Variants in CNNM1 observed in about 807,000 individuals in gnomAD.
CNNM1 encodes cyclin and CBS domain divalent metal cation transport mediator 1, also known as metal transporter CNNM1.
In CNNM1, 44 loss-of-function variants were observed where a neutral mutation model predicts 78.8. That is an observed-to-expected ratio of 0.56 (90% confidence interval 0.44 to 0.72). CNNM1 has a LOEUF of 0.72. Ranked by LOEUF, CNNM1 falls within the 30% of genes least tolerant of loss-of-function variation. CNNM1 has a pLI of 0.00. For missense variants in CNNM1, 1,101 were observed against 1,292.2 expected (o/e 0.85, Z 2.27); for synonymous variants, 584 against 581.5 (o/e 1.00, Z -0.06).
rs866681512 is a variant in CNNM1 at position 99,370,519 on chromosome 10, C to T, written c.2176+5517C>T. 9.3e-4 allele frequency among the ~76,000 whole-genome samples: 141 copies of T among 152,280 alleles called. 2 individuals are homozygous for T. The Middle Eastern group carries it at 0.02, about 22-fold the overall frequency. On this transcript the variant is annotated intron_variant, in intron 6 of 10. Transcript: ENST00000356713. ...CCACAGGACCTATTCTGTGGTATTT[C>T]CTCTGTCACTCTTGCTTTTGTTCCA...
Position 99,391,732 on chromosome 10 carries a change from G to A in CNNM1, c.*216G>A. On this transcript the variant is annotated 3_prime_UTR_variant, in exon 11 of 11. Transcript: ENST00000356713. ...TGACATGGCCATAACAGAAGGAGGT[G>A]CCTCTGATAGAACATGCTAGAAATG... 1 of 521,680 alleles carries A rather than the reference G, an allele frequency of 1.9e-6. No homozygotes were observed. The highest frequency in any genetic ancestry group is 2.3e-5 in the South Asian group (1 of 42,864). The allele number at this position is 521,680 out of a possible 1,614,324, so 32.3% of individuals were successfully genotyped here. A position where few individuals can be genotyped will look rare whatever the true frequency, so the allele number is the denominator to read the frequency against.
intron 1 of CNNM1, among the ~76,000 whole-genome samples, chr10:99,353,461 A>G (rs942212171): frequency 1.3e-5 from 2 of 152,232 alleles, no homozygotes; most frequent in African/African-American, 4.8e-5. Context: ...ATAAATGCCA[A>G]TACAGAGATG....
At chr10:99,362,545 C>A in intron 4 of CNNM1, 149 bp downstream of exon 4, 1 of 726,096 alleles carries the variant, frequency 1.4e-6, no homozygotes, top group Non-Finnish European at 2.2e-6. Context: ...CTTCATGACC[C>A]ACAGGAGGGG....
At chr10:99,360,708 G>A in intron 2 of CNNM1, 127 bp from the exon 3 acceptor site, 1 of 1,203,592 alleles carries the variant, frequency 8.3e-7, no homozygotes, top group Non-Finnish European at 1.1e-6. Flanking sequence ...CTTCCTGGGT[G>A]ATATTGTGAT....
intron 1 of CNNM1, among the ~76,000 whole-genome samples, chr10:99,334,877 C>T (rs1484790413): frequency 6.6e-6 from 1 of 152,170 alleles, no homozygotes. Context: ...GAACAACCCT[C>T]CTGGGTAGAT....
intron 7 of CNNM1, among the ~76,000 whole-genome samples, chr10:99,386,307 G>A (rs1285277413): frequency 6.6e-6 from 1 of 152,118 alleles, no homozygotes; most frequent in Non-Finnish European, 1.5e-5. Context: ...GCAGCACCAG[G>A]AACACAGGAA....
intron 1 of CNNM1, among the ~76,000 whole-genome samples, chr10:99,349,083 A>G (rs2030828084): frequency 1.3e-5 from 2 of 152,214 alleles, no homozygotes; most frequent in Admixed American, 6.5e-5. Flanking sequence ...ATAAAAAAAT[A>G]GAAACCTATG....
intron 9 of CNNM1, among the ~76,000 whole-genome samples, chr10:99,390,070 G>A (rs778568888): frequency 7.2e-5 from 11 of 152,200 alleles, no homozygotes; most frequent in Non-Finnish European, 7.3e-5. Flanking sequence ...TGCATGGATC[G>A]TTGGATTCCG....
chr10:99,363,587 G>T (rs746419102), intron 4 of CNNM1, among the ~76,000 whole-genome samples: 11 of 152,044 alleles, frequency 7.2e-5, no homozygotes, highest in Non-Finnish European at 1.5e-4. Flanking sequence ...GATAAAAATG[G>T]CATAGGCTTC....
chr10:99,364,351 G>A, intron 4 of CNNM1, 66 bp from the exon 5 acceptor site: 2 of 1,192,500 alleles, frequency 1.7e-6, no homozygotes, highest in East Asian at 2.5e-5. Context: ...CTTAGGATTC[G>A]AGTCAATAGT....
intron 7 of CNNM1, among the ~76,000 whole-genome samples, chr10:99,386,348 C>A (rs1245524105): frequency 1.3e-5 from 2 of 152,166 alleles, no homozygotes; most frequent in Non-Finnish European, 2.9e-5. Context: ...TCAGTCTCCA[C>A]CCCAGACCTA....
chr10:99,344,120 G>A (rs1251087544), intron 1 of CNNM1, among the ~76,000 whole-genome samples: 1 of 150,462 alleles, frequency 6.6e-6, no homozygotes, highest in Non-Finnish European at 1.5e-5. Flanking sequence ...ATCACCTGAG[G>A]TCAGGCGTTC....
At chr10:99,362,537 T>C in intron 4 of CNNM1, 141 bp downstream of exon 4, 1 of 774,800 alleles carries the variant, frequency 1.3e-6, no homozygotes, top group Non-Finnish European at 2.0e-6. Flanking sequence ...GGACATTTCT[T>C]CATGACCCAC....
At position 99,388,303 on chromosome 10, in the gene CNNM1, T is replaced by C; in HGVS notation, c.2674+2T>C. ...CTGCAGCCGTTCCCACGAGAGCAGG[T>C]CAGGGAGGCCAGCTGGGCCCAGTGC... On this transcript the variant is annotated splice_donor_variant, in intron 9 of 10. Transcript: ENST00000356713. LOFTEE classifies it high-confidence loss of function. 2 of 1,612,986 alleles carry C rather than the reference T, an allele frequency of 1.2e-6. No individual in the cohort carries two copies. The highest frequency in any genetic ancestry group is 1.7e-6 in the Non-Finnish European group (2 of 1,179,614).
chr10:99,368,281 T>C (rs2031688507), intron 6 of CNNM1: 1 of 254,058 alleles, frequency 3.9e-6, no homozygotes, highest in South Asian at 4.6e-5. Context: ...GCTCCCAGCA[T>C]GTTTGCTGGC....
At chr10:99,375,070 A>G (rs1186868039) in intron 6 of CNNM1, among the ~76,000 whole-genome samples, 1 of 152,064 alleles carries the variant, frequency 6.6e-6, no homozygotes, top group Non-Finnish European at 1.5e-5. Context: ...GGGAAGGGAA[A>G]TGGCATTCAT....
At chr10:99,337,600 T>C (rs890873240) in intron 1 of CNNM1, among the ~76,000 whole-genome samples, 28 of 152,252 alleles carry the variant, frequency 1.8e-4, no homozygotes, top group Non-Finnish European at 8.8e-5. Flanking sequence ...ATAGATTTTT[T>C]GGCCAGCTTC....
intron 1 of CNNM1, among the ~76,000 whole-genome samples, chr10:99,345,545 G>A (rs1241307323): frequency 1.3e-5 from 2 of 152,158 alleles, no homozygotes; most frequent in African/African-American, 4.8e-5. Context: ...TCTGAGGTTG[G>A]TTTGTGACCT....
At chr10:99,390,898 T>C (rs1477070729) in intron 10 of CNNM1, among the ~76,000 whole-genome samples, 1 of 152,178 alleles carries the variant, frequency 6.6e-6, no homozygotes, top group Non-Finnish European at 1.5e-5. Context: ...AGATATTCCT[T>C]CCTAAAAACA....
Sources: allele counts gnomAD v4.1 joint callset (sites outside exome capture counted in the v4.1 genomes callset), GRCh38; gene constraint gnomAD v4.1.1; transcripts MANE v1.5; gene names NCBI Gene and HGNC (gene_info 2026-07-23, HGNC 2026-07-21).